The following FHIT variants were observed in gnomAD, a reference collection of about 807,000 sequenced individuals.
FHIT encodes the protein bis(5'-adenosyl)-triphosphatase.
FHIT carries 19 observed loss-of-function variants against 17.9 expected under a neutral mutation model. The observed-to-expected ratio is 1.06, with a 90% CI of 0.74 to 1.56. The LOEUF is 1.56. FHIT is among the 40% of genes most tolerant of loss of function. FHIT has a pLI of 0.00. For missense variants in FHIT, 248 were observed against 189.2 expected (o/e 1.31, Z -1.82); for synonymous variants, 81 against 69.7 (o/e 1.16, Z -0.81).
chr3:61,241,677 A>G (rs1173426755), intron 1 of FHIT, among the ~76,000 whole-genome samples: 1 of 152,158 alleles, frequency 6.6e-6, no homozygotes, highest in Non-Finnish European at 1.5e-5. Flanking sequence ...TTTTAATAGG[A>G]TTCTGATTGT....
intron 4 of FHIT, among the ~76,000 whole-genome samples, chr3:60,679,075 G>A (rs2040688839): frequency 6.6e-6 from 1 of 151,992 alleles, no homozygotes; most frequent in African/African-American, 2.4e-5. Context: ...ACTTGGGCTA[G>A]GGACTGTGCT....
At chr3:61,074,703 T>C (rs887018067) in intron 2 of FHIT, among the ~76,000 whole-genome samples, 2 of 152,134 alleles carry the variant, frequency 1.3e-5, no homozygotes, top group Non-Finnish European at 2.9e-5. Flanking sequence ...ATTGTTATTT[T>C]TCCTAAGTAA....
At chr3:60,033,960 T>C (rs896669153) in intron 5 of FHIT, among the ~76,000 whole-genome samples, 2 of 152,078 alleles carry the variant, frequency 1.3e-5, no homozygotes, top group Admixed American at 6.5e-5. Flanking sequence ...AAGAACAGGC[T>C]CTGGGAAGAT....
intron 5 of FHIT, among the ~76,000 whole-genome samples, chr3:60,266,626 C>T (rs1197859352): frequency 6.6e-6 from 1 of 151,980 alleles, no homozygotes; most frequent in Non-Finnish European, 1.5e-5. Context: ...TCCTCAGATC[C>T]CATCTCCCAC....
chr3:59,822,807 A>T (rs529112133), intron 8 of FHIT, among the ~76,000 whole-genome samples: 1 of 152,148 alleles, frequency 6.6e-6, no homozygotes, highest in Non-Finnish European at 1.5e-5. Flanking sequence ...TAGTTTAATT[A>T]AGTCCCACCT....
chr3:60,675,434 G>T (rs1485256543), intron 4 of FHIT, among the ~76,000 whole-genome samples: 2 of 152,202 alleles, frequency 1.3e-5, no homozygotes, highest in African/African-American at 4.8e-5. Context: ...GGGAACAAAA[G>T]AAGCCAGAGA....
intron 1 of FHIT, among the ~76,000 whole-genome samples, chr3:61,235,156 T>G (rs1466869180): frequency 6.6e-5 from 10 of 152,178 alleles, no homozygotes; most frequent in Admixed American, 2.6e-4. Context: ...ACAGAAAAGG[T>G]AGCTATCAGG....
At chr3:60,921,888 T>C (rs1553768463) in intron 3 of FHIT, among the ~76,000 whole-genome samples, 2 of 152,138 alleles carry the variant, frequency 1.3e-5, no homozygotes, top group South Asian at 2.1e-4. Context: ...TGCCAAGACA[T>C]CACAGTGTAA....
At chr3:60,320,000 C>T (rs1709349613) in intron 5 of FHIT, among the ~76,000 whole-genome samples, 1 of 152,114 alleles carries the variant, frequency 6.6e-6, no homozygotes, top group Non-Finnish European at 1.5e-5. Flanking sequence ...CTTTCAGTAC[C>T]TCAATTTAAA....
chr3:60,661,607 T>C (rs1405298914), intron 4 of FHIT, among the ~76,000 whole-genome samples: 2 of 152,214 alleles, frequency 1.3e-5, no homozygotes, highest in Non-Finnish European at 2.9e-5. Flanking sequence ...GTTTTACTTT[T>C]AGTGCTTTAA....
rs144008799 is a variant in FHIT at position 60,190,575 on chromosome 3, C to T, written c.104-176423G>A. On this transcript the variant is annotated intron_variant, in intron 5 of 9. Coordinates refer to ENST00000492590, the MANE Select transcript of FHIT (RefSeq NM_002012.4). Reference sequence around the variant, plus strand: ...ACCAGCCTGGCCAACATGGTGAAACCGTGTCTCTACTAAAAATACAACATC... The same window carrying T: ...ACCAGCCTGGCCAACATGGTGAAACTGTGTCTCTACTAAAAATACAACATC... 3.1e-3 allele frequency among the ~76,000 whole-genome samples: 470 copies of T among 151,744 alleles called. 4 individuals carry two copies. The highest frequency in any genetic ancestry group is 0.01 in the African/African-American group (420 of 41,376).
intron 4 of FHIT, among the ~76,000 whole-genome samples, chr3:60,721,401 C>G (rs1559669400): frequency 8.1e-6 from 1 of 123,304 alleles, no homozygotes; most frequent in African/African-American, 3.8e-5. Context: ...AAGGGTTTCA[C>G]ACACACACAC....
chr3:61,251,200 C>T (rs2040615768), intron 1 of FHIT, 101 bp downstream of exon 1: 1 of 152,374 alleles, frequency 6.6e-6, no homozygotes. Context: ...GTGAGCGGCG[C>T]CGGCCCCACT....
At chr3:60,096,322 T>A (rs1167077649) in intron 5 of FHIT, among the ~76,000 whole-genome samples, 1 of 152,130 alleles carries the variant, frequency 6.6e-6, no homozygotes, top group Admixed American at 6.5e-5. Context: ...TCCACCCAAT[T>A]TGTCTGAGTC....
chr3:60,687,512 C>T (rs2040885310), intron 4 of FHIT, among the ~76,000 whole-genome samples: 1 of 152,058 alleles, frequency 6.6e-6, no homozygotes, highest in Non-Finnish European at 1.5e-5. Flanking sequence ...AGCTCTATTT[C>T]AGTGTAGGCA....
intron 5 of FHIT, among the ~76,000 whole-genome samples, chr3:60,207,423 T>C (rs892216035): frequency 6.6e-6 from 1 of 152,128 alleles, no homozygotes; most frequent in Non-Finnish European, 1.5e-5. Flanking sequence ...AAGGCTTCTA[T>C]ATGGGTCACT....
At chr3:61,008,980 T>TTC (rs2031635041) in intron 3 of FHIT, among the ~76,000 whole-genome samples, 2 of 152,174 alleles carry the variant, frequency 1.3e-5, no homozygotes, top group African/African-American at 4.8e-5. Flanking sequence ...TACTCGATAG[T>TTC]TCACACAGTC....
chr3:60,871,482 A>T (rs1553755019), intron 3 of FHIT, among the ~76,000 whole-genome samples: 1 of 152,164 alleles, frequency 6.6e-6, no homozygotes, highest in African/African-American at 2.4e-5. Flanking sequence ...AGCACTAAAC[A>T]TGATCATTTT....
intron 7 of FHIT, among the ~76,000 whole-genome samples, chr3:60,007,392 A>G (rs1046923337): frequency 5.3e-5 from 8 of 152,222 alleles, no homozygotes; most frequent in African/African-American, 1.9e-4. Flanking sequence ...TGCTGACTGC[A>G]TGCTGGAATA....
Sources: allele counts gnomAD v4.1 joint callset (sites outside exome capture counted in the v4.1 genomes callset), GRCh38; gene constraint gnomAD v4.1.1; transcripts MANE v1.5; gene names NCBI Gene and HGNC (gene_info 2026-07-23, HGNC 2026-07-21).